Variants in DCP1A observed in about 807,000 individuals in gnomAD.
DCP1A encodes the protein mRNA-decapping enzyme 1A.
In DCP1A, 20 loss-of-function variants were observed where a neutral mutation model predicts 58.0. The ratio of observed to expected loss-of-function variants is 0.34; its 90% CI spans 0.24 to 0.50. The LOEUF (loss-of-function observed/expected upper bound fraction) is 0.50, where lower values mean the gene tolerates loss of function less well. DCP1A is among the 20% of genes least tolerant of loss of function. DCP1A has a pLI of 0.98. For synonymous variants in DCP1A, 285 were observed against 275.1 expected (o/e 1.04, Z -0.36); for missense variants, 613 against 712.2 (o/e 0.86, Z 1.59).
At chr3:53,287,768 C>A in intron 9 of DCP1A, 108 bp from the exon 10 acceptor site, 1 of 774,988 alleles carries the variant, frequency 1.3e-6, no homozygotes. Flanking sequence ...ATTTGTATAA[C>A]TGATAATCCC....
chr3:53,335,421 C>T (rs1375839673), intron 3 of DCP1A, among the ~76,000 whole-genome samples: 2 of 152,068 alleles, frequency 1.3e-5, no homozygotes, highest in African/African-American at 4.8e-5. Flanking sequence ...GGATTACAGG[C>T]GTGAGCCATA....
intron 7 of DCP1A, among the ~76,000 whole-genome samples, chr3:53,291,644 T>G (rs781899886): frequency 1.2e-4 from 19 of 152,164 alleles, no homozygotes; most frequent in Admixed American, 5.2e-4. Flanking sequence ...TATAAGGTGA[T>G]GTAAATATGG....
At chr3:53,341,180 C>T (rs181456890) in intron 3 of DCP1A, among the ~76,000 whole-genome samples, 11 of 151,768 alleles carry the variant, frequency 7.2e-5, no homozygotes, top group African/African-American at 9.7e-5. Context: ...TCTGGCCGGG[C>T]GTGGTGGCTC....
At chr3:53,331,418 G>A (rs2088996794) in intron 3 of DCP1A, among the ~76,000 whole-genome samples, 1 of 152,126 alleles carries the variant, frequency 6.6e-6, no homozygotes, top group South Asian at 2.1e-4. Context: ...CATTTTCACT[G>A]TACGTTTTCT....
chr3:53,334,591 C>T (rs1399236139), intron 3 of DCP1A, among the ~76,000 whole-genome samples: 1 of 152,126 alleles, frequency 6.6e-6, no homozygotes, highest in African/African-American at 2.4e-5. Context: ...GTTTGAACAG[C>T]TTCTAGTTTG....
chr3:53,324,629 TC>T lies in DCP1A; in HGVS notation c.305-5157del, dbSNP rs141352819. ...CACACTGTTTTACAAATGGCCTTTC[TC>T]AAGATGAAAGAAACTACTTACTTAA... On this transcript the variant is annotated intron_variant, in intron 3 of 9. Coordinates refer to ENST00000610213, the MANE Select transcript of DCP1A (RefSeq NM_018403.7). Among the ~76,000 whole-genome samples the T allele has an allele frequency of 9.5e-3, 1,455 of 152,360 alleles. 24 individuals carry two copies. Among genetic ancestry groups the T allele is most frequent in the African/African-American group, 0.033 (1,391 of 41,578 alleles).
Position 53,288,289 on chromosome 3 carries a change from G to A in DCP1A, c.1450-6C>T, listed in dbSNP as rs782643597. On this transcript the variant is annotated splice_polypyrimidine_tract_variant and splice_region_variant and intron_variant, in intron 8 of 9. Transcript: ENST00000610213. ...ACCAGTGGGGCGCCTGCAACCTGGA[G>A]AGTGACAATGGTCATTTTGTACCGA... 1 of 1,598,962 alleles carries A rather than the reference G, an allele frequency of 6.3e-7. No homozygotes were observed. Among genetic ancestry groups the A allele is most frequent in the Non-Finnish European group, 8.5e-7 (1 of 1,172,512 alleles).
chr3:53,300,261 C>T (rs1285055141), intron 6 of DCP1A, among the ~76,000 whole-genome samples: 1 of 151,992 alleles, frequency 6.6e-6, no homozygotes, highest in Non-Finnish European at 1.5e-5. Context: ...TCTACAGACG[C>T]AGTGCTATTG....
At chr3:53,344,028 G>A (rs975869834) in intron 2 of DCP1A, among the ~76,000 whole-genome samples, 1 of 152,118 alleles carries the variant, frequency 6.6e-6, no homozygotes, top group Non-Finnish European at 1.5e-5. Flanking sequence ...AAAAAAATGA[G>A]TGCATTTAGA....
intron 5 of DCP1A, among the ~76,000 whole-genome samples, chr3:53,309,119 C>A (rs1011728890): frequency 2.6e-4 from 39 of 152,176 alleles, no homozygotes; most frequent in African/African-American, 9.4e-4. Flanking sequence ...CGCCTGTAAT[C>A]CCAGGACTTT....
At position 53,293,213 on chromosome 3, in the gene DCP1A, A is replaced by G. The variant is rs1010751674; in HGVS notation, c.625-386T>C. The stretch of plus-strand genomic sequence containing the variant: ...TCTACCTTTACTTTCACTGTTCTCA[A>G]TGAAACGCTAGGCACTGGACCTCAG... On this transcript the variant is annotated intron_variant, in intron 6 of 9. Transcript: ENST00000610213. Among the ~76,000 whole-genome samples the G allele has an allele frequency of 3.9e-5, 6 of 152,302 alleles. No homozygotes were observed. The East Asian group carries it at 1.2e-3, about 29-fold the overall frequency.
At chr3:53,342,998 A>T (rs1553692750) in intron 2 of DCP1A, among the ~76,000 whole-genome samples, 1 of 152,218 alleles carries the variant, frequency 6.6e-6, no homozygotes, top group Non-Finnish European at 1.5e-5. Context: ...AGTTAGACGG[A>T]AAATGCCTTG....
At chr3:53,290,681 C>A (rs1706825039) in intron 8 of DCP1A, 110 bp downstream of exon 8, 4 of 869,524 alleles carry the variant, frequency 4.6e-6, no homozygotes, top group Non-Finnish European at 7.4e-6. Flanking sequence ...TGACTGTTCA[C>A]AGCCAGTTAC....
chr3:53,315,087 A>T (rs1707762947), intron 4 of DCP1A, among the ~76,000 whole-genome samples: 1 of 152,108 alleles, frequency 6.6e-6, no homozygotes, highest in Non-Finnish European at 1.5e-5. Context: ...TCTAATCCAA[A>T]CTTTATGGAT....
At chr3:53,304,045 G>A in intron 6 of DCP1A, 132 bp downstream of exon 6, 1 of 638,636 alleles carries the variant, frequency 1.6e-6, no homozygotes, top group South Asian at 2.2e-5. Context: ...TCATGACCTA[G>A]GAGGATGTCA....
At chr3:53,328,272 GCTTAGA>G (rs1708166597) in intron 3 of DCP1A, among the ~76,000 whole-genome samples, 1 of 152,132 alleles carries the variant, frequency 6.6e-6, no homozygotes, top group Non-Finnish European at 1.5e-5. Context: ...GAGGAGCTTC[GCTTAGA>G]CTAGCGGTTA....
At chr3:53,298,936 G>A (rs1050342971) in intron 6 of DCP1A, among the ~76,000 whole-genome samples, 1 of 152,198 alleles carries the variant, frequency 6.6e-6, no homozygotes, top group Admixed American at 6.5e-5. Flanking sequence ...ACGCAGTGCA[G>A]TAATGTGCTG....
rs797028600 is a variant in DCP1A, at chr3:53,284,527, T to C, written c.*3053A>G. On this transcript the variant is annotated 3_prime_UTR_variant, in exon 10 of 10. Transcript: ENST00000610213. ...CCTGTAGAGAGGGGCCCAGCGTGAC[T>C]TTTTTTTTTTTTTTTTTTTTTTTTT... 5.8e-4 allele frequency: 6 copies of C among 10,394 alleles called. No individual in the cohort carries two copies. Among genetic ancestry groups the C allele is most frequent in the African/African-American group, 4.0e-3 (6 of 1,504 alleles). 0.6% of individuals were successfully genotyped at this position (10,394 alleles called of 1,614,324 possible). A position where few individuals can be genotyped will look rare whatever the true frequency, so the allele number is the denominator to read the frequency against.
rs61290855 is a variant in DCP1A at position 53,290,749 on chromosome 3, T to TAAAAA, written c.1449+37_1449+41dup. ...TCTCACTATGGCACCCGACTAGTCT[T>TAAAAA]AAAAAAAAAAAAAAAAAAAAAAAAA... is the stretch of plus-strand genomic sequence containing the variant. On this transcript the variant is annotated intron_variant, in intron 8 of 9. Coordinates refer to ENST00000610213, the MANE Select transcript of DCP1A (RefSeq NM_018403.7). 5.3e-4 allele frequency: 365 copies of TAAAAA among 682,742 alleles called. 23 individuals are homozygous for TAAAAA. In the African/African-American group the frequency reaches 6.4e-3, roughly 12 times the overall value. 42.3% of individuals were successfully genotyped at this position (682,742 alleles called of 1,614,324 possible).
Sources: allele counts gnomAD v4.1 joint callset (sites outside exome capture counted in the v4.1 genomes callset), GRCh38; gene constraint gnomAD v4.1.1; transcripts MANE v1.5; gene names NCBI Gene and HGNC (gene_info 2026-07-23, HGNC 2026-07-21).